Variants in ATP6V1C2 observed in about 807,000 individuals in gnomAD.
ATP6V1C2 encodes the protein ATPase H+ transporting V1 subunit C2, also known as V-type proton ATPase subunit C 2.
In ATP6V1C2, 45 loss-of-function variants were observed where a neutral mutation model predicts 56.8. The ratio of observed to expected loss-of-function variants is 0.79; its 90% CI spans 0.62 to 1.02. The LOEUF (loss-of-function observed/expected upper bound fraction) is 1.02, where lower values mean the gene tolerates loss of function less well. Ranked by LOEUF, ATP6V1C2 falls within the 50% of genes least tolerant of loss-of-function variation. ATP6V1C2 has a pLI of 0.00. For missense variants in ATP6V1C2, 463 were observed against 519.7 expected (o/e 0.89, Z 1.06); for synonymous variants, 220 against 201.3 (o/e 1.09, Z -0.79).
At chr2:10,748,029 C>A (rs1663017311) in intron 3 of ATP6V1C2, among the ~76,000 whole-genome samples, 1 of 152,098 alleles carries the variant, frequency 6.6e-6, no homozygotes, top group Non-Finnish European at 1.5e-5. Context: ...TTTAGAGTAG[C>A]TGGTATTACA....
chr2:10,727,447 T>C (rs1661709440), intron 3 of ATP6V1C2, among the ~76,000 whole-genome samples: 1 of 150,738 alleles, frequency 6.6e-6, no homozygotes, highest in African/African-American at 2.4e-5. Flanking sequence ...TCCTAGCTAC[T>C]GGGGAGGCTG....
chr2:10,732,155 C>A (rs1040965877), intron 3 of ATP6V1C2, among the ~76,000 whole-genome samples: 33 of 152,156 alleles, frequency 2.2e-4, no homozygotes, highest in African/African-American at 7.7e-4. Flanking sequence ...TTATTGTTTC[C>A]ATTTTAGTTT....
chr2:10,770,645 T>G (rs1177463156), intron 6 of ATP6V1C2, among the ~76,000 whole-genome samples: 2 of 152,272 alleles, frequency 1.3e-5, no homozygotes, highest in Non-Finnish European at 2.9e-5. Context: ...ACATCTGGTC[T>G]AGCCTCTTCG....
chr2:10,777,554 A>C (rs912881690), intron 10 of ATP6V1C2, 31 bp from the exon 11 acceptor site: 5 of 1,599,212 alleles, frequency 3.1e-6, no homozygotes, highest in Non-Finnish European at 4.3e-6. Flanking sequence ...ATGTTTGCTG[A>C]AAGATTAATA....
At chr2:10,762,553 C>A (rs578133191) in intron 4 of ATP6V1C2, among the ~76,000 whole-genome samples, 3 of 152,302 alleles carry the variant, frequency 2.0e-5, no homozygotes, top group African/African-American at 7.2e-5. Context: ...TATCTTCAGG[C>A]CTTTCCTTCG....
At position 10,754,032 on chromosome 2, in the gene ATP6V1C2, G is replaced by T. The variant is rs1012248488; in HGVS notation, c.249G>T (p.Lys83Asn). Residue 83 changes from lysine to asparagine, a missense_variant, in exon 4 of 14, where the codon AAG becomes AAT. Coordinates refer to ENST00000272238, the MANE Select transcript of ATP6V1C2 (RefSeq NM_001039362.2). ...TGGTGGAAGTCATGGAGGACTCAAA[G>T]GGGAAGGTCCAGGAGCACCTCCTGG... ...QSVVEVMEDS[K>N]GKVQEHLLAN... 2 of 1,607,864 alleles carry T rather than the reference G, an allele frequency of 1.2e-6. No homozygotes were observed. The highest frequency in any genetic ancestry group is 1.3e-5 in the African/African-American group (1 of 74,770).
intron 12 of ATP6V1C2, among the ~76,000 whole-genome samples, chr2:10,781,945 C>G (rs919690638): frequency 6.6e-6 from 1 of 152,228 alleles, no homozygotes; most frequent in African/African-American, 2.4e-5. Flanking sequence ...TCCGAATGTT[C>G]AGTCCAACTA....
intron 3 of ATP6V1C2, among the ~76,000 whole-genome samples, chr2:10,739,239 C>T (rs1263063088): frequency 3.3e-5 from 5 of 152,092 alleles, no homozygotes; most frequent in East Asian, 1.9e-4. Flanking sequence ...GCCGAGATCT[C>T]GCCATGGCAC....
At chr2:10,778,934 T>C (rs943113995) in intron 12 of ATP6V1C2, among the ~76,000 whole-genome samples, 2 of 152,138 alleles carry the variant, frequency 1.3e-5, no homozygotes, top group East Asian at 3.9e-4. Context: ...TGCATGCCCT[T>C]GTGGACCCTC....
intron 11 of ATP6V1C2, 104 bp from the exon 12 acceptor site, chr2:10,778,468 T>C: frequency 9.4e-7 from 1 of 1,066,586 alleles, no homozygotes; most frequent in Non-Finnish European, 1.4e-6. Context: ...TCCTGGGCAC[T>C]TCTTCTCAGC....
chr2:10,771,896 G>A lies in ATP6V1C2; in HGVS notation c.528G>A (p.Leu176=). The A allele has an allele frequency of 2.5e-6, 4 of 1,614,170 alleles. No homozygotes were observed. Among genetic ancestry groups the A allele is most frequent in the Non-Finnish European group, 3.4e-6 (4 of 1,180,010 alleles). ...TTGTGAGCAAAGAGGACTTCGTGCTGGATTCTGAATATCTCGTCACACTTC... is the reference window on the plus strand; with the variant it reads ...TTGTGAGCAAAGAGGACTTCGTGCTAGATTCTGAATATCTCGTCACACTTC... ...SDIVSKEDFV[L]DSEYLVTLLV... is the part of the protein sequence containing the mutation. The change falls in exon 7 of 14, where the codon CTG becomes CTA. Residue 176 remains leucine, a synonymous_variant. Transcript: ENST00000272238.
intron 5 of ATP6V1C2, among the ~76,000 whole-genome samples, chr2:10,764,686 T>C (rs993786154): frequency 2.0e-5 from 3 of 152,192 alleles, no homozygotes; most frequent in African/African-American, 7.2e-5. Context: ...AAGTTACTGA[T>C]GGTGGCCGGG....
intron 6 of ATP6V1C2, among the ~76,000 whole-genome samples, chr2:10,770,581 C>T (rs116115435): frequency 0.025 from 3,753 of 152,334 alleles, 160 homozygotes; most frequent in African/African-American, 0.084. Flanking sequence ...GCCATCCACT[C>T]GCATGGCATC....
intron 3 of ATP6V1C2, among the ~76,000 whole-genome samples, chr2:10,747,712 AG>A (rs890044026): frequency 2.3e-4 from 34 of 150,708 alleles, no homozygotes; most frequent in Non-Finnish European, 4.9e-4. Context: ...AAAAAAAAAA[AG>A]CACACTTTCT....
Position 10,752,343 on chromosome 2 carries a change from C to G in ATP6V1C2, c.198-1638C>G, listed in dbSNP as rs548938970. ...TCTGTTTTCTGTGTTGGGCCCTAGGCCTCTGGGCTCCGGTCTGAGTGGCTG... is the reference window on the plus strand; with the variant it reads ...TCTGTTTTCTGTGTTGGGCCCTAGGGCTCTGGGCTCCGGTCTGAGTGGCTG... On this transcript the variant is annotated intron_variant, in intron 3 of 13. Transcript: ENST00000272238. Among the ~76,000 whole-genome samples, 6 of 152,252 alleles carry G rather than the reference C, an allele frequency of 3.9e-5. No homozygotes were observed. In the South Asian group the frequency reaches 1.2e-3, roughly 32 times the overall value.
intron 8 of ATP6V1C2, among the ~76,000 whole-genome samples, chr2:10,773,841 G>T (rs189848453): frequency 2.0e-5 from 3 of 152,318 alleles, no homozygotes; most frequent in East Asian, 3.9e-4. Flanking sequence ...GCTGGGGGAC[G>T]GGGATCTCCC....
rs148800384 is a variant in ATP6V1C2 at position 10,784,949 on chromosome 2, G to A, written c.*1686G>A. The A allele has an allele frequency of 2.7e-4, 422 of 1,586,428 alleles. 2 individuals are homozygous for A. Among genetic ancestry groups the A allele is most frequent in the South Asian group, 2.1e-3 (181 of 87,032 alleles). ...GGGCACTCACCTCGCCATCCCTGCC[G>A]TCCCAAGGCTCTCTCTCAACGATGG... On this transcript the variant is annotated 3_prime_UTR_variant, in exon 14 of 14. Transcript: ENST00000272238.
chr2:10,723,451 G>T (rs1661467071), intron 2 of ATP6V1C2, among the ~76,000 whole-genome samples: 1 of 152,102 alleles, frequency 6.6e-6, no homozygotes, highest in African/African-American at 2.4e-5. Flanking sequence ...GGGAGGGGAA[G>T]GGAGGGAATT....
chr2:10,734,104 A>G (rs1662123000), intron 3 of ATP6V1C2, among the ~76,000 whole-genome samples: 2 of 152,202 alleles, frequency 1.3e-5, no homozygotes. Context: ...TTCAGTGAAT[A>G]GACCGCGGTT....
Sources: allele counts gnomAD v4.1 joint callset (sites outside exome capture counted in the v4.1 genomes callset), GRCh38; gene constraint gnomAD v4.1.1; transcripts MANE v1.5; gene names NCBI Gene and HGNC (gene_info 2026-07-23, HGNC 2026-07-21).